Variants in CCDC39 observed in about 807,000 individuals in gnomAD.
CCDC39 encodes the protein coiled-coil domain 39 molecular ruler complex subunit.
A neutral mutation model predicts 121.0 loss-of-function variants in CCDC39; 113 were observed. That is an observed-to-expected ratio of 0.93 (90% confidence interval 0.80 to 1.09). CCDC39 has a LOEUF of 1.09. CCDC39 is among the 50% of genes least tolerant of loss of function. CCDC39 has a pLI of 0.00. For synonymous variants in CCDC39, 349 were observed against 352.2 expected (o/e 0.99, Z 0.10); for missense variants, 1,063 against 1,074.7 (o/e 0.99, Z 0.15).
intron 6 of CCDC39, among the ~76,000 whole-genome samples, chr3:180,659,240 C>T (rs1711676267): frequency 6.6e-6 from 1 of 152,172 alleles, no homozygotes; most frequent in East Asian, 1.9e-4. Context: ...TGACAGGATC[C>T]AGTGTTTGGA....
At chr3:180,645,327 A>T (rs745621672) in intron 11 of CCDC39, among the ~76,000 whole-genome samples, 25 of 152,124 alleles carry the variant, frequency 1.6e-4, no homozygotes, top group Non-Finnish European at 2.5e-4. Flanking sequence ...ATACATTTGC[A>T]GATACCAGTT....
rs1241950069 is a variant in CCDC39 at position 180,647,189 on chromosome 3, T to C, written c.1417A>G (p.Asn473Asp). 5 of 1,611,818 alleles carry C rather than the reference T, an allele frequency of 3.1e-6. No individual in the cohort carries two copies. The South Asian group carries it at 5.5e-5, about 18-fold the overall frequency. Residue 473 changes from asparagine to aspartate, a missense_variant, in exon 11 of 20, where the codon AAT becomes GAT. Physicochemically the swap from Asn to Asp is conservative, Grantham distance 23. Coordinates refer to ENST00000476379, the MANE Select transcript of CCDC39 (RefSeq NM_181426.2). The stretch of plus-strand genomic sequence containing the variant: ...TCAAGCGCTTGTTTTTCTTCTGAAT[T>C]AATTTCTCCCTTTAACCGTGACATT... ...RRMSRLKGEI[N>D]SEEKQALEAK...
At chr3:180,664,464 T>A (rs1227509450) in intron 1 of CCDC39, among the ~76,000 whole-genome samples, 1 of 152,202 alleles carries the variant, frequency 6.6e-6, no homozygotes, top group Non-Finnish European at 1.5e-5. Flanking sequence ...AGCATTTTGT[T>A]TCTTTAAATG....
chr3:180,666,286 A>G (rs1404985381), intron 1 of CCDC39, among the ~76,000 whole-genome samples: 1 of 152,094 alleles, frequency 6.6e-6, no homozygotes, highest in Non-Finnish European at 1.5e-5. Flanking sequence ...TTGACTTTTA[A>G]TGCATTAAGA....
At chr3:180,654,374 T>C (rs1190113451) in intron 7 of CCDC39, among the ~76,000 whole-genome samples, 1 of 151,698 alleles carries the variant, frequency 6.6e-6, no homozygotes, top group East Asian at 1.9e-4. Context: ...TCCTTGACAT[T>C]GGTATCTGTA....
Position 180,654,779 on chromosome 3 carries a change from T to C in CCDC39, c.913A>G (p.Ile305Val), listed in dbSNP as rs1711543258. The C allele has an allele frequency of 6.2e-7, 1 of 1,607,360 alleles. No individual in the cohort carries two copies. The highest frequency in any genetic ancestry group is 1.3e-5 in the African/African-American group (1 of 74,566). ...TAYQDHETSR[I>V]QLKGELDSLK... ...TGACATACCTCACCCTTCAGCTGAA[T>C]TCTACTAGTTTCATGGTCCTGATAT... The change falls in exon 7 of 20, where the codon ATT becomes GTT. Residue 305 changes from isoleucine (I) to valine (V), a missense_variant. Ile to Val is a conservative substitution (Grantham distance 29, BLOSUM62 3). Coordinates refer to ENST00000476379, the MANE Select transcript of CCDC39 (RefSeq NM_181426.2).
chr3:180,660,541 C>A (rs528671785), intron 4 of CCDC39, 29 bp downstream of exon 4: 2 of 1,532,398 alleles, frequency 1.3e-6, no homozygotes, highest in Non-Finnish European at 1.8e-6. Flanking sequence ...TTAGAGAAAA[C>A]CTAACAGTTA....
rs536483028 is a variant in CCDC39 at position 180,640,142 on chromosome 3, G to A, written c.1874+1851C>T. The stretch of plus-strand genomic sequence containing the variant: ...GTGATGGATACATTATCTTGATGGT[G>A]GTGATGGTCTCTCCGGTACATTACG... On this transcript the variant is annotated intron_variant, in intron 13 of 19. Coordinates refer to ENST00000476379, the MANE Select transcript of CCDC39 (RefSeq NM_181426.2). Among the ~76,000 whole-genome samples the A allele has an allele frequency of 3.9e-5, 6 of 152,118 alleles. No individual in the cohort carries two copies. In the South Asian group the frequency reaches 1.2e-3, roughly 32 times the overall value.
rs1717242491 is a variant in CCDC39, at chr3:180,616,380, T to C, written c.2587-17A>G. The C allele has an allele frequency of 6.3e-7, 1 of 1,596,730 alleles. No individual in the cohort carries two copies. Among genetic ancestry groups the C allele is most frequent in the Non-Finnish European group, 8.6e-7 (1 of 1,166,248 alleles). On this transcript the variant is annotated splice_polypyrimidine_tract_variant and intron_variant, in intron 18 of 19. Coordinates refer to ENST00000476379, the MANE Select transcript of CCDC39 (RefSeq NM_181426.2). ...TAACCCACTCTGGAGGAATATTCAATAGCAATCATTAGTACTACCTACTGT... is the reference window on the plus strand; with the variant it reads ...TAACCCACTCTGGAGGAATATTCAACAGCAATCATTAGTACTACCTACTGT...
chr3:180,619,587 A>G (rs553853339), intron 15 of CCDC39, among the ~76,000 whole-genome samples: 3 of 151,830 alleles, frequency 2.0e-5, no homozygotes, highest in South Asian at 2.1e-4. Context: ...TAATTACCCT[A>G]GAGAGGTGAT....
Position 180,661,946 on chromosome 3 carries a change from T to C in CCDC39, c.272A>G (p.Gln91Arg), listed in dbSNP as rs201157338. 2.6e-4 allele frequency: 414 copies of C among 1,567,966 alleles called. 1 individual carries two copies. In the African/African-American group the frequency reaches 4.9e-3, roughly 18 times the overall value. ...ESEEHFKAIA[Q>R]RELGRVKDEI... The stretch of plus-strand genomic sequence containing the variant: ...ATCTTTCACTCGTCCCAATTCTCTT[T>C]GAGCAATGGCCTTAAAATGTTCTTC... Residue 91 changes from glutamine to arginine, a missense_variant, in exon 3 of 20, where the codon CAA becomes CGA. Coordinates refer to ENST00000476379, the MANE Select transcript of CCDC39 (RefSeq NM_181426.2).
intron 1 of CCDC39, among the ~76,000 whole-genome samples, chr3:180,675,348 A>G (rs4854909): frequency 0.26 from 38,780 of 151,796 alleles, 5,726 homozygotes; most frequent in East Asian, 0.4. Context: ...ATTTTTTATT[A>G]CATCTATTTG....
In CCDC39 at chr3:180,615,010, C is replaced by T. The variant is rs771944752; in HGVS notation, c.2737G>A (p.Ala913Thr). The T allele has an allele frequency of 1.2e-5, 18 of 1,560,414 alleles. No individual in the cohort carries two copies. Among genetic ancestry groups the T allele is most frequent in the Non-Finnish European group, 1.6e-5 (18 of 1,150,794 alleles). The change falls in exon 20 of 20, where the codon GCC becomes ACC. Residue 913 changes from alanine (A) to threonine (T), a missense_variant. Coordinates refer to ENST00000476379, the MANE Select transcript of CCDC39 (RefSeq NM_181426.2). ...GGGCTGCCTACTAGTGAAGAGGAGGCCGGGAATTTAAGCTCCAGTACTTTA... is the reference window on the plus strand; with the variant it reads ...GGGCTGCCTACTAGTGAAGAGGAGGTCGGGAATTTAAGCTCCAGTACTTTA... ...SIKVLELKFP[A>T]SSSLVGSPSR...
chr3:180,616,356 A>G lies in CCDC39; in HGVS notation c.2594T>C (p.Leu865Ser), dbSNP rs371697814. The G allele has an allele frequency of 1.3e-5, 21 of 1,611,912 alleles. No homozygotes were observed. The highest frequency in any genetic ancestry group is 1.8e-5 in the Non-Finnish European group (21 of 1,178,460). The change falls in exon 19 of 20, where the codon TTA becomes TCA. Residue 865 changes from leucine (L) to serine (S), a missense_variant. Coordinates refer to ENST00000476379, the MANE Select transcript of CCDC39 (RefSeq NM_181426.2). ...ILQTYFQQSG[L>S]ELPTASTKGS... is the part of the protein sequence containing the mutation. ...TTTTGTGCTAGCTGTAGGTAGTTCT[A>G]ACCCACTCTGGAGGAATATTCAATA... is the stretch of plus-strand genomic sequence containing the variant.
Position 180,670,125 on chromosome 3 carries a change from C to T in CCDC39, c.91-6139G>A, listed in dbSNP as rs184808881. 3.9e-5 allele frequency among the ~76,000 whole-genome samples: 6 copies of T among 152,064 alleles called. No homozygotes were observed. The East Asian group carries it at 1.2e-3, about 29-fold the overall frequency. On this transcript the variant is annotated intron_variant, in intron 1 of 19. Transcript: ENST00000476379. ...AAAAACATGTTCTAATGCAGAGGAACAGTAAAGACCTCTCTAATTACAGAC... is the reference window on the plus strand; with the variant it reads ...AAAAACATGTTCTAATGCAGAGGAATAGTAAAGACCTCTCTAATTACAGAC...
rs544073870 is a variant in CCDC39, at chr3:180,648,480, A to C, written c.1168-121T>G. On this transcript the variant is annotated intron_variant, in intron 9 of 19. Transcript: ENST00000476379. ...CCCTCCACTATTTTAGCCCTTTAGA[A>C]GATAAAGCTCTTCCCACAATTTTAA... The C allele has an allele frequency of 5.7e-5, 36 of 627,748 alleles. No individual in the cohort carries two copies. In the East Asian group the frequency reaches 1.1e-3, roughly 19 times the overall value. The allele number at this position is 627,748 out of a possible 1,614,324, so 38.9% of individuals were successfully genotyped here. A position where few individuals can be genotyped will look rare whatever the true frequency, so the allele number is the denominator to read the frequency against.
rs759464834 is a variant in CCDC39, at chr3:180,616,564, TATG to T, written c.2535_2537del (p.Ile846del). The T allele has an allele frequency of 1.6e-5, 25 of 1,599,344 alleles. No individual in the cohort carries two copies. The highest frequency in any genetic ancestry group is 2.1e-5 in the Non-Finnish European group (25 of 1,173,300). On this transcript the variant is annotated inframe_deletion, in exon 18 of 20. Coordinates refer to ENST00000476379, the MANE Select transcript of CCDC39 (RefSeq NM_181426.2). Reference sequence around the variant, plus strand: ...TAATACGGATCTCAGTATTTTCTTCTATGATATCAACTAACATTTCATCAATAA... The same window carrying T: ...TAATACGGATCTCAGTATTTTCTTCTATATCAACTAACATTTCATCAATAA...
rs112738198 is a variant in CCDC39 at position 180,659,741 on chromosome 3, G to T, written c.545C>A (p.Thr182Asn). ...CTTTCTTTTCTGATTACATTCCAAA[G>T]TTAGTCTTTCTAATTGCAGAGTCAG... The part of the protein sequence containing the change: ...RALTLQLERL[T>N]LECNQKRKIL... Residue 182 changes from threonine to asparagine, a missense_variant, in exon 5 of 20, where the codon ACT becomes AAT. By Grantham distance (65) the Thr-to-Asn change is moderately conservative. Transcript: ENST00000476379. The T allele has an allele frequency of 6.2e-7, 1 of 1,610,780 alleles. No individual in the cohort carries two copies. The highest frequency in any genetic ancestry group is 8.5e-7 in the Non-Finnish European group (1 of 1,178,014).
Position 180,632,457 on chromosome 3 carries a change from A to G in CCDC39, c.1875-865T>C, listed in dbSNP as rs376810352. ...CCTACCAGTTTTTCTACTGCTAGAG[A>G]AAACTCATGGTAAGATATATTTAGT... On this transcript the variant is annotated intron_variant, in intron 13 of 19. Coordinates refer to ENST00000476379, the MANE Select transcript of CCDC39 (RefSeq NM_181426.2). 5.9e-5 allele frequency among the ~76,000 whole-genome samples: 9 copies of G among 152,288 alleles called. 1 individual carries two copies. The South Asian group carries it at 1.9e-3, about 32-fold the overall frequency.
Sources: gnomAD v4.1 joint callset for allele counts (sites outside exome capture counted in the v4.1 genomes callset) on GRCh38, gnomAD v4.1.1 for gene constraint, MANE v1.5 for transcripts, NCBI Gene and HGNC (gene_info 2026-07-23, HGNC 2026-07-21) for gene names.